HAGHL: variants seen among roughly 807,000 people sequenced by gnomAD.
HAGHL encodes the protein hydroxyacylglutathione hydrolase-like protein.
A neutral mutation model predicts 29.2 loss-of-function variants in HAGHL; 27 were observed. The ratio of observed to expected loss-of-function variants is 0.92; its 90% CI spans 0.68 to 1.27. The LOEUF is 1.27. Ranked by LOEUF, HAGHL falls within the 50% of genes most tolerant of loss-of-function variation. HAGHL has a pLI of 0.00. For synonymous variants in HAGHL, 223 were observed against 185.7 expected (o/e 1.20, Z -1.63); for missense variants, 529 against 405.5 (o/e 1.30, Z -2.62).
intron 1 of HAGHL, 29 bp downstream of exon 1, chr16:727,643 C>T: frequency 6.9e-7 from 1 of 1,457,022 alleles, no homozygotes; most frequent in Non-Finnish European, 9.5e-7. Context: ...CCGCAGGGAC[C>T]CGGCCGTGTC....
At position 728,902 on chromosome 16, in the gene HAGHL, C is replaced by A; in HGVS notation, c.600+7C>A. 6.3e-7 allele frequency: 1 copy of A among 1,580,944 alleles called. No individual in the cohort carries two copies. The highest frequency in any genetic ancestry group is 1.8e-5 in the Admixed American group (1 of 55,770). On this transcript the variant is annotated splice_region_variant and intron_variant, in intron 6 of 7. Transcript: ENST00000389703. ...CAAGCTGTCCTGGGCTAAGGCACGG[C>A]CCCTTTCCCGCCGCGGCAAGAGGGT...
Position 729,088 on chromosome 16 carries a change from C to G in HAGHL, c.680C>G (p.Ala227Gly), listed in dbSNP as rs369832125. Residue 227 changes from alanine (A) to glycine (G), a missense_variant and splice_region_variant, in exon 7 of 8, where the codon GCA (alanine) becomes GGA (glycine). Coordinates refer to ENST00000389703, the MANE Select transcript of HAGHL (RefSeq NM_032304.4). Reference sequence around the variant, plus strand: ...CTCTACAACCCCTTCCTGCGGGTGGCGTGAGTATGGCTGTTGTCCCGGGGC... The same window carrying G: ...CTCTACAACCCCTTCCTGCGGGTGGGGTGAGTATGGCTGTTGTCCCGGGGC... ...ERLYNPFLRV[A>G]EEPVRKFTGK... 6.2e-7 allele frequency: 1 copy of G among 1,608,400 alleles called. No individual in the cohort carries two copies. Among genetic ancestry groups the G allele is most frequent in the Admixed American group, 1.7e-5 (1 of 59,962 alleles).
chr16:729,224 C>A, intron 7 of HAGHL, 64 bp from the exon 8 acceptor site: 1 of 1,544,038 alleles, frequency 6.5e-7, no homozygotes, highest in Admixed American at 1.8e-5. Context: ...TGCCCGCCCA[C>A]CCCTCGGCGC....
In HAGHL at chr16:729,063, C is replaced by T. The variant is rs770879671; in HGVS notation, c.655C>T (p.Leu219Phe). Residue 219 changes from leucine to phenylalanine, a missense_variant, in exon 7 of 8, where the codon CTC becomes TTC. Physicochemically the swap from Leu to Phe is conservative, Grantham distance 22. Coordinates refer to ENST00000389703, the MANE Select transcript of HAGHL (RefSeq NM_032304.4). The part of the protein sequence containing the change: ...TVPSTLGEER[L>F]YNPFLRVAEE... Reference sequence around the variant, plus strand: ...GCCGTCGACTCTGGGCGAGGAGCGCCTCTACAACCCCTTCCTGCGGGTGGC... The same window carrying T: ...GCCGTCGACTCTGGGCGAGGAGCGCTTCTACAACCCCTTCCTGCGGGTGGC... The T allele has an allele frequency of 6.2e-7, 1 of 1,610,060 alleles. No individual in the cohort carries two copies. Among genetic ancestry groups the T allele is most frequent in the Non-Finnish European group, 8.5e-7 (1 of 1,179,788 alleles).
intron 1 of HAGHL, 29 bp downstream of exon 1, chr16:727,643 C>G (rs1458994376): frequency 2.7e-6 from 4 of 1,456,904 alleles, no homozygotes; most frequent in Non-Finnish European, 3.8e-6. Context: ...CCGCAGGGAC[C>G]CGGCCGTGTC....
Position 728,045 on chromosome 16 carries a change from GC to G in HAGHL, c.170+17del. 1 of 1,578,146 alleles carries G rather than the reference GC, an allele frequency of 6.3e-7. No homozygotes were observed. Among genetic ancestry groups the G allele is most frequent in the Middle Eastern group, 2.0e-4 (1 of 5,126 alleles). On this transcript the variant is annotated intron_variant, in intron 2 of 7. Transcript: ENST00000389703. ...ACCATCACTGGTGAGCGCCGGCGGGGCGCGGGGAGGCACGAGGACGCCGCCT... is the reference window on the plus strand; with the variant it reads ...ACCATCACTGGTGAGCGCCGGCGGGGGCGGGGAGGCACGAGGACGCCGCCT...
Position 727,421 on chromosome 16 carries a change from G to T in HAGHL, c.-89G>T. On this transcript the variant is annotated 5_prime_UTR_variant, in exon 1 of 8. The change creates a new upstream start codon in the 5' untranslated region. Transcript: ENST00000389703. ...AGCCCGCTTCGCACAGCCCTTCCTA[G>T]GGTGTGGAGAGCGGGCCCCGCCCTG... 1.4e-6 allele frequency: 1 copy of T among 732,182 alleles called. No individual in the cohort carries two copies. Among genetic ancestry groups the T allele is most frequent in the Admixed American group, 2.2e-5 (1 of 44,634 alleles). The allele number at this position is 732,182 out of a possible 1,614,324, so 45.4% of individuals were successfully genotyped here. A position where few individuals can be genotyped will look rare whatever the true frequency, so the allele number is the denominator to read the frequency against.
In HAGHL at chr16:729,477, G is replaced by C. The variant is rs1245825976; in HGVS notation, c.*21G>C. On this transcript the variant is annotated 3_prime_UTR_variant, in exon 8 of 8. Transcript: ENST00000389703. ...ACTGAGCCACCCAGACCCTCACAGGGCTGGGGCCTGCGTCCCTCCTCGTGA... is the reference window on the plus strand; with the variant it reads ...ACTGAGCCACCCAGACCCTCACAGGCCTGGGGCCTGCGTCCCTCCTCGTGA... The C allele has an allele frequency of 1.3e-6, 2 of 1,538,746 alleles. No homozygotes were observed. The highest frequency in any genetic ancestry group is 1.7e-6 in the Non-Finnish European group (2 of 1,146,202).
At position 727,987 on chromosome 16, in the gene HAGHL, AG is replaced by A; in HGVS notation, c.133del (p.Val45CysfsTer3). 1 of 1,607,602 alleles carries A rather than the reference AG, an allele frequency of 6.2e-7. No individual in the cohort carries two copies. The highest frequency in any genetic ancestry group is 2.3e-5 in the East Asian group (1 of 44,296). On this transcript the variant is annotated frameshift_variant, in exon 2 of 8. Transcript: ENST00000389703. LOFTEE classifies it high-confidence loss of function. ...PKRLLEIVGR[E>X]GVSLTAVLTT... The stretch of plus-strand genomic sequence containing the variant: ...CAGCTGCTGGAGATCGTGGGCCGGG[AG>A]GGGGTGTCTCTGACCGCTGTGCTGA...
rs994933195 is a variant in HAGHL, at chr16:729,488, C to T, written c.*32C>T. The T allele has an allele frequency of 2.0e-5, 31 of 1,537,486 alleles. No homozygotes were observed. Among genetic ancestry groups the T allele is most frequent in the African/African-American group, 1.4e-5 (1 of 72,980 alleles). ...CAGACCCTCACAGGGCTGGGGCCTG[C>T]GTCCCTCCTCGTGACCTCGGCCAGC... On this transcript the variant is annotated 3_prime_UTR_variant, in exon 8 of 8. Transcript: ENST00000389703.
chr16:728,698 C>A (rs1181105249), intron 5 of HAGHL, 94 bp downstream of exon 5: 2 of 1,325,732 alleles, frequency 1.5e-6, no homozygotes, highest in Non-Finnish European at 2.1e-6. Context: ...GAATGCCCAC[C>A]TGAGGGCAGA....
intron 1 of HAGHL, 63 bp downstream of exon 1, chr16:727,677 CT>C (rs1207002388): frequency 7.1e-6 from 8 of 1,118,924 alleles, no homozygotes; most frequent in Non-Finnish European, 1.1e-5. Context: ...CCCGACCCCC[CT>C]GGTAGGAGCG....
rs760942250 is a variant in HAGHL, at chr16:728,835, G to A, written c.540G>A (p.Glu180=). 2.5e-6 allele frequency: 4 copies of A among 1,610,818 alleles called. No homozygotes were observed. Among genetic ancestry groups the A allele is most frequent in the Non-Finnish European group, 3.4e-6 (4 of 1,179,206 alleles). Residue 180 remains glutamate (E), a synonymous_variant, in exon 6 of 8, where the codon GAG becomes GAA. Coordinates refer to ENST00000389703, the MANE Select transcript of HAGHL (RefSeq NM_032304.4). ...ACGAGCACACGCTTAGCAACCTGGA[G>A]TTTGCCCAGAAAGTGGAGCCCTGCA... is the stretch of plus-strand genomic sequence containing the variant. ...CGHEHTLSNL[E]FAQKVEPCND...
Position 729,713 on chromosome 16 carries a change from G to C in HAGHL, c.*257G>C, listed in dbSNP as rs2041247331. The C allele has an allele frequency of 6.8e-7, 1 of 1,460,774 alleles. No individual in the cohort carries two copies. The highest frequency in any genetic ancestry group is 1.3e-5 in the South Asian group (1 of 75,120). The allele number at this position is 1,460,774 out of a possible 1,614,324, so 90.5% of individuals were successfully genotyped here. On this transcript the variant is annotated 3_prime_UTR_variant, in exon 8 of 8. Coordinates refer to ENST00000389703, the MANE Select transcript of HAGHL (RefSeq NM_032304.4). ...CGAACTATGAATAAAGCTTTGAAAG[G>C]CCGTTGTCAGTGTTGGCAGATGTGC...
Position 728,218 on chromosome 16 carries a change from C to A in HAGHL, c.273C>A (p.His91Gln). 1.4e-6 allele frequency: 2 copies of A among 1,456,934 alleles called. No homozygotes were observed. The allele number at this position is 1,456,934 out of a possible 1,614,324, so 90.3% of individuals were successfully genotyped here. ...TCTCGCTGACGCGCAGGCTGGCGCA[C>A]GGCGAGGAGCTGCGGGTGAGCGCGC... ...RIFSLTRRLA[H>Q]GEELRFGAIH... The change falls in exon 3 of 8, where the codon CAC becomes CAA. Residue 91 changes from histidine to glutamine, a missense_variant. By Grantham distance (24) the His-to-Gln change is conservative. Coordinates refer to ENST00000389703, the MANE Select transcript of HAGHL (RefSeq NM_032304.4).
At position 728,339 on chromosome 16, in the gene HAGHL, C is replaced by T. The variant is rs1370685317; in HGVS notation, c.312C>T (p.Cys104=). The change falls in exon 4 of 8, where the codon TGC becomes TGT. Residue 104 remains cysteine (C), a synonymous_variant. Coordinates refer to ENST00000389703, the MANE Select transcript of HAGHL (RefSeq NM_032304.4). ...ELRFGAIHVR[C]LLTPGHTAGH... Reference sequence around the variant, plus strand: ...AGTTCGGGGCCATCCACGTGCGTTGCCTCCTGACGCCCGGCCACACCGCCG... The same window carrying T: ...AGTTCGGGGCCATCCACGTGCGTTGTCTCCTGACGCCCGGCCACACCGCCG... 8.9e-6 allele frequency: 14 copies of T among 1,567,970 alleles called. 1 individual carries two copies. Among genetic ancestry groups the T allele is most frequent in the African/African-American group, 4.1e-5 (3 of 73,704 alleles).
chr16:729,542 C>A lies in HAGHL; in HGVS notation c.*86C>A, dbSNP rs961231683. 1.4e-5 allele frequency: 21 copies of A among 1,533,462 alleles called. No homozygotes were observed. In the East Asian group the frequency reaches 2.0e-4, roughly 14 times the overall value. The allele number at this position is 1,533,462 out of a possible 1,614,324, so 95.0% of individuals were successfully genotyped here. A position where few individuals can be genotyped will look rare whatever the true frequency, so the allele number is the denominator to read the frequency against. On this transcript the variant is annotated 3_prime_UTR_variant, in exon 8 of 8. Transcript: ENST00000389703. ...ACCCACATGAGGGCCACCTCTGGAACCTTCTTCGAGGCCCTGGCCAGCCAT... is the reference window on the plus strand; with the variant it reads ...ACCCACATGAGGGCCACCTCTGGAAACTTCTTCGAGGCCCTGGCCAGCCAT...
Position 729,325 on chromosome 16 carries a change from C to G in HAGHL, c.718C>G (p.Pro240Ala). The change falls in exon 8 of 8, where the codon CCC becomes GCC. Residue 240 changes from proline to alanine, a missense_variant. By Grantham distance (27) the Pro-to-Ala change is conservative. Transcript: ENST00000389703. ...GCGCAAGTTCACGGGCAAGGCGGTC[C>G]CCGCCGACGTCCTGGAGGCGCTATG... ...PVRKFTGKAV[P>A]ADVLEALCKE... 1 of 1,532,930 alleles carries G rather than the reference C, an allele frequency of 6.5e-7. No homozygotes were observed. Among genetic ancestry groups the G allele is most frequent in the Non-Finnish European group, 8.8e-7 (1 of 1,140,658 alleles). 95.0% of individuals were successfully genotyped at this position (1,532,930 alleles called of 1,614,324 possible). A position where few individuals can be genotyped will look rare whatever the true frequency, so the allele number is the denominator to read the frequency against.
chr16:727,604 T>C lies in HAGHL; in HGVS notation c.95T>C (p.Val32Ala). ...TREAVAVDVA[V>A]PKRLLEIVGR... is the part of the protein sequence containing the mutation. ...GAGGCGGTGGCCGTGGACGTGGCTG[T>C]GCCCAAGAGGGTGAGGGCAGGCCGC... The change falls in exon 1 of 8, where the codon GTG (valine) becomes GCG (alanine). Residue 32 changes from valine (V) to alanine (A), a missense_variant. Physicochemically the swap from Val to Ala is moderately conservative, Grantham distance 64. Coordinates refer to ENST00000389703, the MANE Select transcript of HAGHL (RefSeq NM_032304.4). The C allele has an allele frequency of 1.9e-6, 3 of 1,608,580 alleles. No homozygotes were observed. The highest frequency in any genetic ancestry group is 2.5e-6 in the Non-Finnish European group (3 of 1,177,266).
Sources: allele counts gnomAD v4.1 joint callset, GRCh38; gene constraint gnomAD v4.1.1; transcripts MANE v1.5; gene names NCBI Gene and HGNC (gene_info 2026-07-23, HGNC 2026-07-21).